ERFL: variants seen among roughly 807,000 people sequenced by gnomAD.
The protein encoded by ERFL is ETS repressor factor like.
A neutral mutation model predicts 27.9 loss-of-function variants in ERFL; 8 were observed. The ratio of observed to expected loss-of-function variants is 0.29; its 90% confidence interval spans 0.17 to 0.52. The LOEUF is 0.52. ERFL is among the 20% of genes least tolerant of loss of function. ERFL has a pLI of 0.97. For synonymous variants in ERFL, 174 were observed against 202.8 expected (o/e 0.86, Z 1.21); for missense variants, 294 against 444.4 (o/e 0.66, Z 3.04).
rs1044313642 is a variant in ERFL, at chr19:41,909,048, C to T, written c.616+12G>A. The T allele has an allele frequency of 9.0e-6, 11 of 1,226,076 alleles. No homozygotes were observed. Among genetic ancestry groups the T allele is most frequent in the Non-Finnish European group, 1.1e-5 (11 of 983,040 alleles). The allele number at this position is 1,226,076 out of a possible 1,614,324, so 75.9% of individuals were successfully genotyped here. ...CTGTGCCCCCAGCACCCCAGAACCTCCAGGCTCTTACCAGAGCCCAGGAAT... is the reference window on the plus strand; with the variant it reads ...CTGTGCCCCCAGCACCCCAGAACCTTCAGGCTCTTACCAGAGCCCAGGAAT... On this transcript the variant is annotated intron_variant, in intron 5 of 5. Transcript: ENST00000597630. This position sits in a 1 kb window ranked among gnomAD's most constrained non-coding sequence, Gnocchi z 5.2.
intron 1 of ERFL, among the ~76,000 whole-genome samples, chr19:41,915,190 C>T (rs979033412): frequency 2.2e-5 from 3 of 138,048 alleles, no homozygotes; most frequent in South Asian, 2.6e-4. Context: ...CTCTTCCCGA[C>T]GCTTTCAACT....
At chr19:41,922,599 A>T (rs2074848701) in intron 1 of ERFL, among the ~76,000 whole-genome samples, 1 of 150,284 alleles carries the variant, frequency 6.7e-6, no homozygotes, top group Non-Finnish European at 1.5e-5. Context: ...CCGGAGAGAG[A>T]CTCCGAGGGA....
Position 41,909,447 on chromosome 19 carries a change from G to A in ERFL, c.327C>T (p.Leu109=). ...ALRYYYNKRI[L]HKTKGKRFTY... is the part of the protein sequence containing the mutation. ...TGAACCTCTTCCCTTTGGTCTTGTG[G>A]AGAATCCGCTTGTTGTAGTAGTAAC... is the stretch of plus-strand genomic sequence containing the variant. The change falls in exon 4 of 6, where the codon CTC becomes CTT. Residue 109 remains leucine, a synonymous_variant. Coordinates refer to ENST00000597630, the MANE Select transcript of ERFL (RefSeq NM_001365103.2). The surrounding 1 kb of genome is among the most constrained non-coding windows in gnomAD (Gnocchi z 5.2). 1 of 1,239,202 alleles carries A rather than the reference G, an allele frequency of 8.1e-7. No homozygotes were observed. Among genetic ancestry groups the A allele is most frequent in the South Asian group, 4.0e-5 (1 of 25,012 alleles). 76.8% of individuals were successfully genotyped at this position (1,239,202 alleles called of 1,614,324 possible).
chr19:41,915,229 ACGAGGAGC>A (rs1291586604), intron 1 of ERFL, among the ~76,000 whole-genome samples: 1 of 143,526 alleles, frequency 7.0e-6, no homozygotes, highest in Non-Finnish European at 1.5e-5. Context: ...ACACGTTATA[ACGAGGAGC>A]CGTGGGATCG....
In ERFL at chr19:41,909,310, G is replaced by T. The variant is rs1211558248; in HGVS notation, c.464C>A (p.Ala155Asp). 2.4e-6 allele frequency: 3 copies of T among 1,234,682 alleles called. No individual in the cohort carries two copies. The highest frequency in any genetic ancestry group is 2.3e-4 in the Middle Eastern group (1 of 4,296). 76.5% of individuals were successfully genotyped at this position (1,234,682 alleles called of 1,614,324 possible). Residue 155 changes from alanine to aspartate, a missense_variant, in exon 4 of 6, where the codon GCC (alanine) becomes GAC (aspartate). By Grantham distance (126) the Ala-to-Asp change is moderately radical. Coordinates refer to ENST00000597630, the MANE Select transcript of ERFL (RefSeq NM_001365103.2). This position sits in a 1 kb window ranked among gnomAD's most constrained non-coding sequence, Gnocchi z 5.2. ...LLLTPSPFGG[A>D]PGPDAPPLTP... ...GAGGGGAGGAGCATCTGGCCCTGGGGCCCCCCCAAAGGGACTGGGGGTCAG... is the reference window on the plus strand; with the variant it reads ...GAGGGGAGGAGCATCTGGCCCTGGGTCCCCCCCAAAGGGACTGGGGGTCAG...
chr19:41,924,464 TCA>T (rs1157689513), intron 1 of ERFL, among the ~76,000 whole-genome samples: 1 of 152,044 alleles, frequency 6.6e-6, no homozygotes, highest in Non-Finnish European at 1.5e-5. Flanking sequence ...TTGGTGTCTG[TCA>T]CAGAGATGGA....
chr19:41,921,529 CCGAGGTGGGGAAACACGGCAGAAGGAG>C lies in ERFL; in HGVS notation c.-14+6484_-14+6510del, dbSNP rs373602869. ...GACAGAGAGACAGGCAGGGGGAGAT[CCGAGGTGGGGAAACACGGCAGAAGGAG>C]CGAACCAGAGAGGCTGAGACAAAAG... is the stretch of plus-strand genomic sequence containing the variant. On this transcript the variant is annotated intron_variant, in intron 1 of 5. Coordinates refer to ENST00000597630, the MANE Select transcript of ERFL (RefSeq NM_001365103.2). The surrounding 1 kb of genome is among the most constrained non-coding windows in gnomAD (Gnocchi z 4.4). Among the ~76,000 whole-genome samples the C allele has an allele frequency of 0.014, 2,120 of 152,014 alleles. 51 individuals carry two copies. The highest frequency in any genetic ancestry group is 0.048 in the African/African-American group (1,988 of 41,426).
chr19:41,919,881 C>T (rs888942397), intron 1 of ERFL, among the ~76,000 whole-genome samples: 1 of 152,138 alleles, frequency 6.6e-6, no homozygotes, highest in Non-Finnish European at 1.5e-5. Context: ...TGGACGGTCA[C>T]ACCAGACGCA....
intron 1 of ERFL, among the ~76,000 whole-genome samples, 190 bp from the exon 2 acceptor site, chr19:41,913,122 C>T (rs942322116): frequency 2.0e-5 from 3 of 152,064 alleles, no homozygotes; most frequent in Non-Finnish European, 2.9e-5. Context: ...TTCCCGGCCC[C>T]GAGACCCCGT....
Position 41,908,969 on chromosome 19 carries a change from ATCTCT to A in ERFL, c.616+86_616+90del, listed in dbSNP as rs1300022380. On this transcript the variant is annotated intron_variant, in intron 5 of 5. Coordinates refer to ENST00000597630, the MANE Select transcript of ERFL (RefSeq NM_001365103.2). This position sits in a 1 kb window ranked among gnomAD's most constrained non-coding sequence, Gnocchi z 6.7. Reference sequence around the variant, plus strand: ...AACCTGGCCCTGGGCCCCCTTCCCCATCTCTTCTCTTGTCTTTTCTCATCCTCTTC... The same window carrying A: ...AACCTGGCCCTGGGCCCCCTTCCCCATCTCTTGTCTTTTCTCATCCTCTTC... 9 of 803,902 alleles carry A rather than the reference ATCTCT, an allele frequency of 1.1e-5. No homozygotes were observed. In the East Asian group the frequency reaches 1.4e-4, roughly 12 times the overall value. 49.8% of individuals were successfully genotyped at this position (803,902 alleles called of 1,614,324 possible). A position where few individuals can be genotyped will look rare whatever the true frequency, so the allele number is the denominator to read the frequency against.
chr19:41,920,353 C>A (rs1256517925), intron 1 of ERFL, among the ~76,000 whole-genome samples: 1 of 139,038 alleles, frequency 7.2e-6, no homozygotes, highest in Non-Finnish European at 1.5e-5. Flanking sequence ...TGCACTCAGA[C>A]GTGACGCACA....
At chr19:41,920,180 G>A (rs149183367) in intron 1 of ERFL, among the ~76,000 whole-genome samples, 56 of 97,770 alleles carry the variant, frequency 5.7e-4, no homozygotes, top group African/African-American at 2.3e-3. Flanking sequence ...GACATGACAC[G>A]CTCACAGACA....
chr19:41,918,201 T>C (rs1221370396), intron 1 of ERFL, among the ~76,000 whole-genome samples: 1 of 151,702 alleles, frequency 6.6e-6, no homozygotes, highest in Non-Finnish European at 1.5e-5. Context: ...CCCACATGTA[T>C]ACGCCACATA....
intron 1 of ERFL, among the ~76,000 whole-genome samples, chr19:41,924,779 C>T (rs1555853081): frequency 6.6e-6 from 1 of 151,976 alleles, no homozygotes; most frequent in African/African-American, 2.4e-5. Flanking sequence ...TGGAGGAAGG[C>T]GCTCCTCGAG....
chr19:41,911,956 A>G (rs1307026257), intron 2 of ERFL, among the ~76,000 whole-genome samples: 13 of 151,736 alleles, frequency 8.6e-5, no homozygotes, highest in African/African-American at 3.2e-4. Context: ...CCCCCAACAC[A>G]GAGGCCCAGG....
At chr19:41,914,085 G>A (rs1264894743) in intron 1 of ERFL, among the ~76,000 whole-genome samples, 1 of 56,972 alleles carries the variant, frequency 1.8e-5, no homozygotes, top group East Asian at 4.6e-4. Context: ...GCCTACCCCT[G>A]GACACTGGAC....
intron 1 of ERFL, chr19:41,923,234 G>A: frequency 2.2e-6 from 1 of 455,188 alleles, no homozygotes; most frequent in South Asian, 1.6e-5. Flanking sequence ...TTGAATGCAG[G>A]TCAGTATGAC....
chr19:41,912,998 C>G, intron 1 of ERFL, 66 bp from the exon 2 acceptor site: 1 of 714,866 alleles, frequency 1.4e-6, no homozygotes, highest in Non-Finnish European at 1.9e-6. Flanking sequence ...GGTCAGCCAG[C>G]GGGGCGCTGC....
intron 1 of ERFL, chr19:41,923,039 C>T (rs1384002155): frequency 7.3e-6 from 3 of 413,066 alleles, no homozygotes; most frequent in Admixed American, 2.7e-5. Context: ...CTGGGGGAAC[C>T]CACAGAGGGA....
Sources: gnomAD v4.1 joint callset for allele counts (sites outside exome capture counted in the v4.1 genomes callset) on GRCh38, gnomAD v4.1.1 for gene constraint, Gnocchi (gnomAD v3.1) non-coding constraint, MANE v1.5 for transcripts, NCBI Gene and HGNC (gene_info 2026-07-23, HGNC 2026-07-21) for gene names.